FLRT2: variants seen among roughly 807,000 people sequenced by gnomAD.
FLRT2 encodes leucine-rich repeat transmembrane protein FLRT2.
Under a neutral mutation model 40.0 loss-of-function variants are expected in FLRT2, and 15 were observed. The observed-to-expected ratio is 0.38, with a 90% CI of 0.25 to 0.58. FLRT2 has a LOEUF of 0.58. Ranked by LOEUF, FLRT2 falls within the 20% of genes least tolerant of loss-of-function variation. The probability of loss-of-function intolerance (pLI) is 0.71; values close to 1 mark genes in which losing one functional copy is unlikely to be tolerated. For synonymous variants in FLRT2, 380 were observed against 336.8 expected (o/e 1.13, Z -1.41); for missense variants, 726 against 840.0 (o/e 0.86, Z 1.68).
rs1217967785 is a variant in FLRT2, at chr14:85,643,286, C to CTTTTTTT, written c.*19791_*19797dup. On this transcript the variant is annotated 3_prime_UTR_variant, in exon 2 of 2. Coordinates refer to ENST00000330753, the MANE Select transcript of FLRT2 (RefSeq NM_013231.6). The stretch of plus-strand genomic sequence containing the variant: ...TCATGAGAGAGTTCAGAGGGTATTT[C>CTTTTTTT]TTTTTTTTCTTTCTTTCTTTCTTTC... 1 of 146,586 alleles carries CTTTTTTT rather than the reference C, an allele frequency of 6.8e-6. No individual in the cohort carries two copies. 9.1% of individuals were successfully genotyped at this position (146,586 alleles called of 1,614,324 possible).
chr14:85,621,552 C>CT lies in FLRT2; in HGVS notation c.44dup (p.Leu16ProfsTer23). 6.2e-7 allele frequency: 1 copy of CT among 1,613,694 alleles called. No homozygotes were observed. The highest frequency in any genetic ancestry group is 8.5e-7 in the Non-Finnish European group (1 of 1,179,878). ...ACCACAAAGTGGCCCAGCCATGGGG[C>CT]TTTTTTCCTGAAGTCTTGGCTTATC... On this transcript the variant is annotated frameshift_variant, in exon 2 of 2. Transcript: ENST00000330753. LOFTEE classifies it high-confidence loss of function.
rs1437648717 is a variant in FLRT2 at position 85,647,264 on chromosome 14, T to A, written c.*23767T>A. The A allele has an allele frequency of 6.6e-6, 1 of 152,198 alleles. No individual in the cohort carries two copies. The highest frequency in any genetic ancestry group is 1.5e-5 in the Non-Finnish European group (1 of 68,032). The allele number at this position is 152,198 out of a possible 1,614,324, so 9.4% of individuals were successfully genotyped here. Reference sequence around the variant, plus strand: ...AAGACATACTTATTTTACCTTTGCTTAATATGCCTTATAGTTTACTAACTT... The same window carrying A: ...AAGACATACTTATTTTACCTTTGCTAAATATGCCTTATAGTTTACTAACTT... On this transcript the variant is annotated 3_prime_UTR_variant, in exon 2 of 2. Transcript: ENST00000330753.
intron 1 of FLRT2, among the ~76,000 whole-genome samples, chr14:85,604,543 A>G (rs980298403): frequency 6.6e-6 from 1 of 152,102 alleles, no homozygotes; most frequent in Non-Finnish European, 1.5e-5. Flanking sequence ...ATTTGTTTTC[A>G]TAAATTGCTC....
chr14:85,584,573 C>A (rs1891533078), intron 1 of FLRT2, among the ~76,000 whole-genome samples: 1 of 152,172 alleles, frequency 6.6e-6, no homozygotes, highest in South Asian at 2.1e-4. Context: ...CCCCCAGAGC[C>A]ACAGAGGACA....
chr14:85,610,823 T>C (rs1240777522), intron 1 of FLRT2, among the ~76,000 whole-genome samples: 2 of 152,236 alleles, frequency 1.3e-5, no homozygotes, highest in East Asian at 3.8e-4. Context: ...TATCATCGTC[T>C]ATGACACTTC....
chr14:85,612,537 C>G (rs546684171), intron 1 of FLRT2, among the ~76,000 whole-genome samples: 1 of 152,042 alleles, frequency 6.6e-6, no homozygotes, highest in Non-Finnish European at 1.5e-5. Context: ...CATTTCTAGT[C>G]ATGTTCTTGG....
intron 1 of FLRT2, among the ~76,000 whole-genome samples, chr14:85,543,433 C>T (rs1279335615): frequency 1.3e-5 from 2 of 152,010 alleles, no homozygotes; most frequent in Non-Finnish European, 2.9e-5. Context: ...GGGCTGGCTT[C>T]TCTCTTGGTA....
intron 1 of FLRT2, among the ~76,000 whole-genome samples, chr14:85,591,349 T>C (rs1345702458): frequency 3.3e-5 from 5 of 152,124 alleles, no homozygotes; most frequent in Non-Finnish European, 7.3e-5. Context: ...GAGGATTGGG[T>C]AAATACAAAA....
At chr14:85,612,162 C>G (rs559545910) in intron 1 of FLRT2, among the ~76,000 whole-genome samples, 1 of 138,494 alleles carries the variant, frequency 7.2e-6, no homozygotes, top group African/African-American at 2.7e-5. Flanking sequence ...AAAAAAAACA[C>G]AGTTAAGTGG....
chr14:85,557,080 T>G (rs1346112599), intron 1 of FLRT2, among the ~76,000 whole-genome samples: 1 of 152,084 alleles, frequency 6.6e-6, no homozygotes. Flanking sequence ...TGATTCAAAT[T>G]ATCTTCCACT....
intron 1 of FLRT2, among the ~76,000 whole-genome samples, chr14:85,562,286 A>T (rs1890383687): frequency 6.6e-6 from 1 of 152,220 alleles, no homozygotes; most frequent in South Asian, 2.1e-4. Flanking sequence ...ACACAGACAT[A>T]GACATTTCTG....
chr14:85,592,540 G>A (rs1566744556), intron 1 of FLRT2, among the ~76,000 whole-genome samples: 1 of 152,084 alleles, frequency 6.6e-6, no homozygotes, highest in African/African-American at 2.4e-5. Context: ...TGTAATCCCA[G>A]CACTTTGGGA....
chr14:85,597,867 A>C (rs1892211753), intron 1 of FLRT2, among the ~76,000 whole-genome samples: 1 of 152,236 alleles, frequency 6.6e-6, no homozygotes, highest in African/African-American at 2.4e-5. Context: ...CAAATTGTAT[A>C]CTGATAGATG....
chr14:85,642,723 C>G lies in FLRT2; in HGVS notation c.*19226C>G, dbSNP rs1357175706. 2.6e-5 allele frequency: 4 copies of G among 152,020 alleles called. No individual in the cohort carries two copies. In the East Asian group the frequency reaches 7.7e-4, roughly 29 times the overall value. 9.4% of individuals were successfully genotyped at this position (152,020 alleles called of 1,614,324 possible). ...TAGAGCCTGCATGCAATGAGCTTAC[C>G]CAACCAGCTCAGAGTGATTATAATT... On this transcript the variant is annotated 3_prime_UTR_variant, in exon 2 of 2. Coordinates refer to ENST00000330753, the MANE Select transcript of FLRT2 (RefSeq NM_013231.6).
intron 1 of FLRT2, among the ~76,000 whole-genome samples, chr14:85,547,978 AT>A (rs1595001067): frequency 6.6e-6 from 1 of 152,232 alleles, no homozygotes; most frequent in East Asian, 1.9e-4. Flanking sequence ...GCAATCAGAT[AT>A]GCATTTATCT....
intron 1 of FLRT2, among the ~76,000 whole-genome samples, chr14:85,552,542 A>G (rs1422947618): frequency 6.6e-6 from 1 of 152,184 alleles, no homozygotes; most frequent in Non-Finnish European, 1.5e-5. Flanking sequence ...ACAGGTTCCT[A>G]TATGACTGAT....
intron 1 of FLRT2, among the ~76,000 whole-genome samples, chr14:85,567,634 CATTTTT>C (rs1300254454): frequency 2.4e-5 from 3 of 126,108 alleles, no homozygotes; most frequent in African/African-American, 2.9e-5. Flanking sequence ...AAGTGACTTA[CATTTTT>C]TTTTTTTTTT....
Position 85,645,542 on chromosome 14 carries a change from G to A in FLRT2, c.*22045G>A, listed in dbSNP as rs1436720859. Reference sequence around the variant, plus strand: ...TGCTTGGAAACAAAGGTTTCACTAAGCATGGATACAATTTGGATCATTGGT... The same window carrying A: ...TGCTTGGAAACAAAGGTTTCACTAAACATGGATACAATTTGGATCATTGGT... On this transcript the variant is annotated 3_prime_UTR_variant, in exon 2 of 2. Transcript: ENST00000330753. 1 of 152,198 alleles carries A rather than the reference G, an allele frequency of 6.6e-6. No homozygotes were observed. The highest frequency in any genetic ancestry group is 6.5e-5 in the Admixed American group (1 of 15,276). The allele number at this position is 152,198 out of a possible 1,614,324, so 9.4% of individuals were successfully genotyped here. A position where few individuals can be genotyped will look rare whatever the true frequency, so the allele number is the denominator to read the frequency against.
intron 1 of FLRT2, among the ~76,000 whole-genome samples, chr14:85,538,016 A>G (rs971976813): frequency 5.3e-5 from 8 of 152,282 alleles, no homozygotes; most frequent in African/African-American, 1.9e-4. Flanking sequence ...ATGCAGAAAA[A>G]GTTCTGTAAA....
Sources: allele counts gnomAD v4.1 joint callset (sites outside exome capture counted in the v4.1 genomes callset), GRCh38; gene constraint gnomAD v4.1.1; transcripts MANE v1.5; gene names NCBI Gene and HGNC (gene_info 2026-07-23, HGNC 2026-07-21).